PLEKHG4B: variants seen among roughly 807,000 people sequenced by gnomAD.
PLEKHG4B encodes the protein pleckstrin homology and RhoGEF domain containing G4B, also known as pleckstrin homology domain-containing family G member 4B.
Under a neutral mutation model 121.3 loss-of-function variants are expected in PLEKHG4B, and 111 were observed. That is an observed-to-expected ratio of 0.92 (90% CI 0.78 to 1.07). The LOEUF is 1.07. Ranked by LOEUF, PLEKHG4B falls within the 50% of genes least tolerant of loss-of-function variation. The probability of loss-of-function intolerance (pLI) is 0.00; values close to 1 mark genes in which losing one functional copy is unlikely to be tolerated. For synonymous variants in PLEKHG4B, 738 were observed against 725.0 expected (o/e 1.02, Z -0.29); for missense variants, 1,831 against 1,757.8 (o/e 1.04, Z -0.74).
At chr5:130,891 C>T (rs1734759180) in intron 2 of PLEKHG4B, among the ~76,000 whole-genome samples, 1 of 152,208 alleles carries the variant, frequency 6.6e-6, no homozygotes, top group South Asian at 2.1e-4. Flanking sequence ...AAAAGATTTA[C>T]AATCTAAACC....
rs1736007663 is a variant in PLEKHG4B at position 161,727 on chromosome 5, G to A, written c.2488-56G>A. 30 of 1,611,726 alleles carry A rather than the reference G, an allele frequency of 1.9e-5. 1 individual carries two copies. In the South Asian group the frequency reaches 3.3e-4, roughly 18 times the overall value. ...TACACGCAGACCCAGCCCACACCTG[G>A]AGACATGAACGTGGAAGCACCGGGC... On this transcript the variant is annotated intron_variant, in intron 11 of 19. Transcript: ENST00000637938.
intron 7 of PLEKHG4B, among the ~76,000 whole-genome samples, 177 bp from the exon 8 acceptor site, chr5:154,698 T>G (rs912068353): frequency 2.0e-5 from 3 of 151,126 alleles, no homozygotes; most frequent in Admixed American, 6.6e-5. Context: ...CTTTCCCGTC[T>G]TCTCGCTTTC....
intron 16 of PLEKHG4B, 150 bp downstream of exon 16, chr5:171,594 C>A: frequency 2.5e-6 from 2 of 804,484 alleles, no homozygotes; most frequent in Non-Finnish European, 1.9e-6. Context: ...CTTCTGAAGG[C>A]CGCAGCGGGG....
intron 17 of PLEKHG4B, 102 bp from the exon 18 acceptor site, chr5:173,816 G>T: frequency 7.5e-7 from 1 of 1,332,510 alleles, no homozygotes; most frequent in Non-Finnish European, 1.0e-6. Flanking sequence ...TTTGTCATTT[G>T]GTGTCTGGGT....
intron 2 of PLEKHG4B, among the ~76,000 whole-genome samples, chr5:127,412 G>A (rs139206112): frequency 0.013 from 1,955 of 149,220 alleles, 25 homozygotes; most frequent in Non-Finnish European, 0.02. Context: ...CCAGCCTGAG[G>A]TGTAACCGTA....
chr5:131,725 C>T (rs978668179), intron 2 of PLEKHG4B, among the ~76,000 whole-genome samples: 1 of 152,168 alleles, frequency 6.6e-6, no homozygotes, highest in African/African-American at 2.4e-5. Flanking sequence ...TTTACACTCC[C>T]ACCAACAGTG....
At position 181,611 on chromosome 5, in the gene PLEKHG4B, C is replaced by A; in HGVS notation, c.4500C>A (p.Ser1500Arg). The A allele has an allele frequency of 6.2e-7, 1 of 1,613,908 alleles. No homozygotes were observed. The highest frequency in any genetic ancestry group is 1.3e-5 in the African/African-American group (1 of 75,054). The change falls in exon 19 of 20, where the codon AGC becomes AGA. Residue 1500 changes from serine (S) to arginine (R), a missense_variant. Transcript: ENST00000637938. ...GGACCCCTGACTGTGCAGTGATAAG[C>A]GACCGGGCTCCCAAATGTGCAGTGA... ...RDRTPDCAVI[S>R]DRAPKCAVMS...
rs534336026 is a variant in PLEKHG4B at position 156,164 on chromosome 5, G to A, written c.2302G>A (p.Val768Ile). 2.8e-5 allele frequency: 45 copies of A among 1,587,216 alleles called. 1 individual carries two copies. In the South Asian group the frequency reaches 2.9e-4, roughly 10 times the overall value. ...LVSLRLEGGT[V>I]LARLRREELG... Reference sequence around the variant, plus strand: ...GTCTCTCAGGCTGGAGGGGGGCACCGTCCTGGCGCGGCTGAGGAGAGAAGA... The same window carrying A: ...GTCTCTCAGGCTGGAGGGGGGCACCATCCTGGCGCGGCTGAGGAGAGAAGA... The change falls in exon 10 of 20, where the codon GTC becomes ATC. Residue 768 changes from valine (V) to isoleucine (I), a missense_variant. By Grantham distance (29) the Val-to-Ile change is conservative (BLOSUM62 3). Transcript: ENST00000637938. The surrounding 1 kb of genome is among the most constrained non-coding windows in gnomAD (Gnocchi z 4.4).
intron 18 of PLEKHG4B, chr5:179,488 G>C (rs1484102048): frequency 6.6e-6 from 1 of 152,660 alleles, no homozygotes; most frequent in East Asian, 1.9e-4. Flanking sequence ...GCCAACTCCT[G>C]TCCCTCATTG....
Position 188,052 on chromosome 5 carries a change from G to C in PLEKHG4B, c.*5729G>C, listed in dbSNP as rs1733677722. 1 of 152,362 alleles carries C rather than the reference G, an allele frequency of 6.6e-6. No homozygotes were observed. The highest frequency in any genetic ancestry group is 2.4e-5 in the African/African-American group (1 of 41,462). 9.4% of individuals were successfully genotyped at this position (152,362 alleles called of 1,614,324 possible). The stretch of plus-strand genomic sequence containing the variant: ...CCCTGCTCTCAGGAGCCCCCTGCCA[G>C]GTGCTCTGACCACAGGAAACAGGAG... On this transcript the variant is annotated 3_prime_UTR_variant, in exon 20 of 20. Transcript: ENST00000637938.
intron 1 of PLEKHG4B, among the ~76,000 whole-genome samples, chr5:111,445 C>T (rs561930086): frequency 5.5e-4 from 84 of 152,346 alleles, no homozygotes; most frequent in Non-Finnish European, 9.0e-4. Flanking sequence ...CAGCGCAGTG[C>T]ACCAGCCATC....
chr5:97,462 T>C (rs1399489104), intron 1 of PLEKHG4B, among the ~76,000 whole-genome samples: 1 of 152,222 alleles, frequency 6.6e-6, no homozygotes, highest in African/African-American at 2.4e-5. Flanking sequence ...CCACATTCCG[T>C]CCTCCCCAGC....
intron 1 of PLEKHG4B, among the ~76,000 whole-genome samples, chr5:111,326 C>G (rs1303226556): frequency 6.6e-6 from 1 of 152,258 alleles, no homozygotes; most frequent in Non-Finnish European, 1.5e-5. Context: ...CCCTGAGTGG[C>G]CCCAGTGGGA....
At chr5:99,516 A>T (rs1356194860) in intron 1 of PLEKHG4B, among the ~76,000 whole-genome samples, 2 of 152,094 alleles carry the variant, frequency 1.3e-5, no homozygotes, top group Non-Finnish European at 2.9e-5. Flanking sequence ...GAATGGAATC[A>T]TTTTCTTAAT....
chr5:124,261 T>C (rs1219176193), intron 2 of PLEKHG4B, among the ~76,000 whole-genome samples: 2 of 152,214 alleles, frequency 1.3e-5, no homozygotes, highest in African/African-American at 2.4e-5. Context: ...GCCTAACATA[T>C]GTTCTACCCT....
chr5:174,058 C>T lies in PLEKHG4B; in HGVS notation c.4362C>T (p.Val1454=). 1 of 1,594,512 alleles carries T rather than the reference C, an allele frequency of 6.3e-7. No homozygotes were observed. The highest frequency in any genetic ancestry group is 8.5e-7 in the Non-Finnish European group (1 of 1,171,284). ...AGGTCAAGAGTGCATGGACCGATGT[C>T]ATAGGGAGGATCCTGTGGCGGCAGG... ...SAEVKSAWTD[V]IGRILWRQAL... Residue 1454 remains valine (V), a synonymous_variant, in exon 18 of 20, where the codon GTC becomes GTT. Coordinates refer to ENST00000637938, the MANE Select transcript of PLEKHG4B (RefSeq NM_052909.5).
Position 172,980 on chromosome 5 carries a change from G to T in PLEKHG4B, c.4134G>T (p.Val1378=). 6.2e-7 allele frequency: 1 copy of T among 1,614,168 alleles called. No individual in the cohort carries two copies. Residue 1378 remains valine, a synonymous_variant, in exon 17 of 20, where the codon GTG becomes GTT. Coordinates refer to ENST00000637938, the MANE Select transcript of PLEKHG4B (RefSeq NM_052909.5). ...CCGRKKYLRH[V]FLFEDLILFS... is the part of the protein sequence containing the mutation. ...GGAGGAAGAAGTATCTGAGGCATGT[G>T]TTCCTCTTTGAAGACCTCATCCTGT...
At chr5:118,891 C>A (rs1373362751) in intron 2 of PLEKHG4B, among the ~76,000 whole-genome samples, 2 of 151,762 alleles carry the variant, frequency 1.3e-5, no homozygotes, top group Non-Finnish European at 2.9e-5. Flanking sequence ...CACTCTGTCA[C>A]CCAGGCTGGA....
chr5:185,938 G>A lies in PLEKHG4B; in HGVS notation c.*3615G>A, dbSNP rs933750645. ...CCCCACGGGAGCCCCACGACCCATCGGGCTGTGGGATGCATCCCCACGGCC... is the reference window on the plus strand; with the variant it reads ...CCCCACGGGAGCCCCACGACCCATCAGGCTGTGGGATGCATCCCCACGGCC... On this transcript the variant is annotated 3_prime_UTR_variant, in exon 20 of 20. Coordinates refer to ENST00000637938, the MANE Select transcript of PLEKHG4B (RefSeq NM_052909.5). 2.0e-5 allele frequency: 3 copies of A among 152,258 alleles called. No individual in the cohort carries two copies. The highest frequency in any genetic ancestry group is 3.8e-4 in the East Asian group (2 of 5,198). 9.4% of individuals were successfully genotyped at this position (152,258 alleles called of 1,614,324 possible). A position where few individuals can be genotyped will look rare whatever the true frequency, so the allele number is the denominator to read the frequency against.
Sources: allele counts gnomAD v4.1 joint callset (sites outside exome capture counted in the v4.1 genomes callset), GRCh38; gene constraint gnomAD v4.1.1; non-coding constraint Gnocchi (gnomAD v3.1); transcripts MANE v1.5; gene names NCBI Gene and HGNC (gene_info 2026-07-23, HGNC 2026-07-21).